PEG3: variants seen among roughly 807,000 people sequenced by gnomAD.
The protein encoded by PEG3 is paternally-expressed gene 3 protein.
In PEG3, 23 loss-of-function variants were observed where a neutral mutation model predicts 35.5. That is an observed-to-expected ratio of 0.65 (90% CI 0.47 to 0.92). The LOEUF (loss-of-function observed/expected upper bound fraction) is 0.92. Among genes scored for constraint, PEG3 ranks in the 40% least tolerant of loss-of-function variants. The pLI, the probability that PEG3 is intolerant of heterozygous loss-of-function variation, is 0.00. For missense variants in PEG3, 1,960 were observed against 1,985.3 expected, an observed-to-expected ratio of 0.99 and a Z score of 0.24; for synonymous variants, 707 against 697.0, an observed-to-expected ratio of 1.01 and a Z score of -0.23.
chr19:56,821,165 T>C (rs1487562635), intron 7 of PEG3, among the ~76,000 whole-genome samples: 1 of 152,260 alleles, frequency 6.6e-6, no homozygotes, highest in African/African-American at 2.4e-5. Flanking sequence ...AATCACCATA[T>C]TCATTTTACA....
chr19:56,828,370 TA>T (rs998068700), intron 2 of PEG3, among the ~76,000 whole-genome samples: 1 of 152,166 alleles, frequency 6.6e-6, no homozygotes, highest in African/African-American at 2.4e-5. Context: ...TGTCAGTACA[TA>T]AATACAATGC....
chr19:56,815,319 A>G lies in PEG3; in HGVS notation c.3123T>C (p.Ala1041=). ...GGTTTGTGTTGAGGTCTTCGCTGGT[A>G]GCAAAAAATTGTCTGAAGTCCTTAC... is the stretch of plus-strand genomic sequence containing the variant. ...NKCKDFRQFF[A]TSEDLNTNQK... is the part of the protein sequence containing the mutation. Residue 1041 remains alanine (A), a synonymous_variant, in exon 10 of 10, where the codon GCT becomes GCC. Transcript: ENST00000326441. The G allele has an allele frequency of 6.2e-7, 1 of 1,614,220 alleles. No individual in the cohort carries two copies. Among genetic ancestry groups the G allele is most frequent in the Non-Finnish European group, 8.5e-7 (1 of 1,180,044 alleles).
Position 56,815,493 on chromosome 19 carries a change from G to A in PEG3, c.2949C>T (p.Asp983=), listed in dbSNP as rs371604666. The stretch of plus-strand genomic sequence containing the variant: ...CATGAATCTTCTGGTGCTCAGTGAG[G>A]TCAGAGCTATGAGCAAAGCACTCCC... ...ECGECFAHSS[D]LTEHQKIHDR... is the part of the protein sequence containing the mutation. The change falls in exon 10 of 10, where the codon GAC becomes GAT. Residue 983 remains aspartate, a synonymous_variant. Transcript: ENST00000326441. 3 of 1,613,928 alleles carry A rather than the reference G, an allele frequency of 1.9e-6. No homozygotes were observed. Among genetic ancestry groups the A allele is most frequent in the Non-Finnish European group, 2.5e-6 (3 of 1,179,954 alleles).
Position 56,816,478 on chromosome 19 carries a change from A to C in PEG3, c.1964T>G (p.Phe655Cys). The C allele has an allele frequency of 6.2e-7, 1 of 1,613,544 alleles. No individual in the cohort carries two copies. Among genetic ancestry groups the C allele is most frequent in the Non-Finnish European group, 8.5e-7 (1 of 1,179,728 alleles). ...CTCACACACTTTACCCTTGTTTTCA[A>C]ATGGGTTCCCTCTAGTATGGATTTT... ...HQKIHTRGNP[F>C]ENKGKVCEET... The change falls in exon 10 of 10, where the codon TTT becomes TGT. Residue 655 changes from phenylalanine to cysteine, a missense_variant. By Grantham distance (205) the Phe-to-Cys change is radical. Around this residue, in one of 5 missense-constraint regions of PEG3, gnomAD observed 798 missense variants for 782.4 expected, o/e 1.02. Coordinates refer to ENST00000326441, the MANE Select transcript of PEG3 (RefSeq NM_006210.3).
chr19:56,837,966 A>C (rs1310606384), intron 1 of PEG3, among the ~76,000 whole-genome samples: 3 of 152,132 alleles, frequency 2.0e-5, no homozygotes, highest in Non-Finnish European at 4.4e-5. Context: ...GACAAGACAC[A>C]CATGCTATGG....
chr19:56,815,717 G>C lies in PEG3; in HGVS notation c.2725C>G (p.Pro909Ala). The change falls in exon 10 of 10, where the codon CCT becomes GCT. Residue 909 changes from proline (P) to alanine (A), a missense_variant. Physicochemically the swap from Pro to Ala is conservative, Grantham distance 27. Coordinates refer to ENST00000326441, the MANE Select transcript of PEG3 (RefSeq NM_006210.3). ...VFRAKPQKSVPGEGSGEFKKD... is the reference protein window; with the variant it reads ...VFRAKPQKSVAGEGSGEFKKD... ...TTAAACTCACCAGATCCCTCTCCAGGAACACTTTTCTGAGGTTTGGCACGG... is the reference window on the plus strand; with the variant it reads ...TTAAACTCACCAGATCCCTCTCCAGCAACACTTTTCTGAGGTTTGGCACGG... 1 of 1,614,088 alleles carries C rather than the reference G, an allele frequency of 6.2e-7. No homozygotes were observed. Among genetic ancestry groups the C allele is most frequent in the Non-Finnish European group, 8.5e-7 (1 of 1,180,002 alleles).
chr19:56,838,489 G>A (rs562984304), intron 1 of PEG3, among the ~76,000 whole-genome samples: 2 of 152,272 alleles, frequency 1.3e-5, no homozygotes, highest in Admixed American at 6.5e-5. Flanking sequence ...CAGGGCGCCT[G>A]CACAACCCGC....
chr19:56,815,239 G>A lies in PEG3; in HGVS notation c.3203C>T (p.Thr1068Ile), dbSNP rs372077872. The stretch of plus-strand genomic sequence containing the variant: ...CTCGCTGTGGGTCTCCTCCCCATCA[G>A]TATTCTCGCCTTGAGACTCCTCGCC... ...SHGEESQGEN[T>I]DGEETHSEET... Residue 1068 changes from threonine (T) to isoleucine (I), a missense_variant, in exon 10 of 10, where the codon ACT (threonine) becomes ATT (isoleucine). Thr to Ile is a moderately conservative substitution (Grantham distance 89). Transcript: ENST00000326441. The A allele has an allele frequency of 4.4e-5, 71 of 1,614,180 alleles. No homozygotes were observed. Among genetic ancestry groups the A allele is most frequent in the Non-Finnish European group, 5.9e-5 (70 of 1,180,024 alleles).
At chr19:56,840,344 CGCCCACCCCT>C (rs1212911686) in intron 1 of PEG3, among the ~76,000 whole-genome samples, 1 of 152,200 alleles carries the variant, frequency 6.6e-6, no homozygotes, top group African/African-American at 2.4e-5. Flanking sequence ...GCCCGGGCTG[CGCCCACCCCT>C]GCCCCAAAAA....
rs757037507 is a variant in PEG3, at chr19:56,814,806, A to C, written c.3636T>G (p.Arg1212=). 2 of 1,614,200 alleles carry C rather than the reference A, an allele frequency of 1.2e-6. No individual in the cohort carries two copies. The highest frequency in any genetic ancestry group is 8.5e-7 in the Non-Finnish European group (1 of 1,180,046). Residue 1212 remains arginine (R), a synonymous_variant, in exon 10 of 10, where the codon CGT becomes CGG. Coordinates refer to ENST00000326441, the MANE Select transcript of PEG3 (RefSeq NM_006210.3). This position sits in a 1 kb window ranked among gnomAD's most constrained non-coding sequence, Gnocchi z 5.8. ...CAAGAGCAGGATTCCTCTCTGCAGC[A>C]CGATTCCTCCGTGGCTTCATGGGCA... ...ALLPMKPRRN[R]AAERNPALAG...
intron 2 of PEG3, among the ~76,000 whole-genome samples, chr19:56,827,955 G>A (rs1270368226): frequency 1.3e-5 from 2 of 152,218 alleles, no homozygotes; most frequent in Non-Finnish European, 2.9e-5. Flanking sequence ...TCAGGAAAGG[G>A]AGGGCAACTT....
chr19:56,810,190 CA>C lies in PEG3; in HGVS notation c.*3484del, dbSNP rs2048024356. On this transcript the variant is annotated 3_prime_UTR_variant, in exon 10 of 10. Transcript: ENST00000326441. ...CAGAAACAAGATGAAGAAAATATAT[CA>C]AGATGTTAACCACACTCTTTGGATG... The C allele has an allele frequency of 4.1e-6, 4 of 980,674 alleles. No homozygotes were observed. The highest frequency in any genetic ancestry group is 3.6e-6 in the Non-Finnish European group (3 of 825,758). 60.7% of individuals were successfully genotyped at this position (980,674 alleles called of 1,614,324 possible). A position where few individuals can be genotyped will look rare whatever the true frequency, so the allele number is the denominator to read the frequency against.
chr19:56,822,100 A>G (rs1262358190), intron 6 of PEG3, among the ~76,000 whole-genome samples: 1 of 152,068 alleles, frequency 6.6e-6, no homozygotes, highest in East Asian at 1.9e-4. Context: ...TGACAGGGAG[A>G]TGGCATCAGA....
chr19:56,818,442 AT>A (rs1483886293), intron 8 of PEG3, among the ~76,000 whole-genome samples, 157 bp downstream of exon 8: 1 of 152,230 alleles, frequency 6.6e-6, no homozygotes. Context: ...CACAAATTTT[AT>A]CATTTACTCC....
intron 2 of PEG3, 29 bp downstream of exon 2, chr19:56,835,988 GT>G (rs1225472095): frequency 5.9e-6 from 3 of 506,480 alleles, no homozygotes; most frequent in Non-Finnish European, 1.2e-5. Flanking sequence ...AAAGATGAAT[GT>G]GGCACTGTGA....
intron 2 of PEG3, among the ~76,000 whole-genome samples, chr19:56,826,721 C>T (rs1447413323): frequency 6.6e-6 from 1 of 152,106 alleles, no homozygotes; most frequent in Non-Finnish European, 1.5e-5. Flanking sequence ...AAACCACGAA[C>T]CAAAACTCAT....
Position 56,812,818 on chromosome 19 carries a change from T to TAAAAAAAA in PEG3, c.*849_*856dup. The TAAAAAAAA allele has an allele frequency of 1.2e-6, 1 of 869,466 alleles. No homozygotes were observed. The highest frequency in any genetic ancestry group is 1.4e-6 in the Non-Finnish European group (1 of 729,604). The allele number at this position is 869,466 out of a possible 1,614,324, so 53.9% of individuals were successfully genotyped here. ...ATCATCAAACACATATTGAGTTGGT[T>TAAAAAAAA]AAAAAAAAAAAAAACCCAGAACACA... On this transcript the variant is annotated 3_prime_UTR_variant, in exon 10 of 10. Coordinates refer to ENST00000326441, the MANE Select transcript of PEG3 (RefSeq NM_006210.3).
At position 56,810,442 on chromosome 19, in the gene PEG3, T is replaced by C. The variant is rs924516084; in HGVS notation, c.*3233A>G. On this transcript the variant is annotated 3_prime_UTR_variant, in exon 10 of 10. Transcript: ENST00000326441. ...TCCCATCTTTGACATTTATGCATAC[T>C]TATCACTAACACCCTAATAATCACA... The C allele has an allele frequency of 4.1e-6, 4 of 984,006 alleles. No homozygotes were observed. The African/African-American group carries it at 7.0e-5, about 17-fold the overall frequency. 61.0% of individuals were successfully genotyped at this position (984,006 alleles called of 1,614,324 possible). A position where few individuals can be genotyped will look rare whatever the true frequency, so the allele number is the denominator to read the frequency against.
At position 56,836,249 on chromosome 19, in the gene PEG3, ATGAATGGCCACGGGTATAGC is replaced by A. The variant is rs1162373755; in HGVS notation, c.-249-165_-249-146del. On this transcript the variant is annotated intron_variant, in intron 1 of 9. Transcript: ENST00000326441. ...GACCATGAAAAGCATCCCATCCAGG[ATGAATGGCCACGGGTATAGC>A]TCCCTTAGACCACCTCACACCCTGG... The A allele has an allele frequency of 1.7e-5, 6 of 359,052 alleles. No individual in the cohort carries two copies. The East Asian group carries it at 3.7e-4, about 22-fold the overall frequency. 22.2% of individuals were successfully genotyped at this position (359,052 alleles called of 1,614,324 possible). A position where few individuals can be genotyped will look rare whatever the true frequency, so the allele number is the denominator to read the frequency against.
Sources: gnomAD v4.1 joint callset for allele counts (sites outside exome capture counted in the v4.1 genomes callset) on GRCh38, gnomAD v4.1.1 for gene constraint, gnomAD v4.1.1 regional missense constraint, Gnocchi (gnomAD v3.1) non-coding constraint, MANE v1.5 for transcripts, NCBI Gene and HGNC (gene_info 2026-07-23, HGNC 2026-07-21) for gene names.